Variants in FARS2 observed in about 807,000 individuals in gnomAD.
FARS2 encodes phenylalanyl-tRNA synthetase 2, mitochondrial.
A neutral mutation model predicts 46.4 loss-of-function variants in FARS2; 40 were observed. The observed-to-expected ratio is 0.86, with a 90% confidence interval of 0.67 to 1.12. The LOEUF (loss-of-function observed/expected upper bound fraction) is 1.12, where lower values mean the gene tolerates loss of function less well. Ranked by LOEUF, FARS2 falls within the 50% of genes most tolerant of loss-of-function variation. The probability of loss-of-function intolerance (pLI) is 0.00; values close to 1 mark genes in which losing one functional copy is unlikely to be tolerated. For synonymous variants in FARS2, 234 were observed against 214.9 expected (o/e 1.09, Z -0.78); for missense variants, 513 against 567.9 (o/e 0.90, Z 0.98).
intron 6 of FARS2, among the ~76,000 whole-genome samples, chr6:5,677,782 G>C (rs1180141530): frequency 6.6e-6 from 1 of 152,188 alleles, no homozygotes; most frequent in Non-Finnish European, 1.5e-5. Flanking sequence ...CTACTTGAAG[G>C]GTTCACATGT....
chr6:5,347,486 C>T (rs527768338), intron 1 of FARS2, among the ~76,000 whole-genome samples: 2 of 152,162 alleles, frequency 1.3e-5, no homozygotes, highest in African/African-American at 4.8e-5. Context: ...GATTCATCCA[C>T]GTTGTGTGTA....
rs536276369 is a variant in FARS2, at chr6:5,727,595, C to T, written c.1218-43696C>T. 6.6e-6 allele frequency among the ~76,000 whole-genome samples: 1 copy of T among 152,258 alleles called. No homozygotes were observed. The highest frequency in any genetic ancestry group is 2.1e-4 in the South Asian group (1 of 4,824). Reference sequence around the variant, plus strand: ...CCCTCCCTGCAGCTGTTACTGTATCCCTGTCTTCCTACTGAGGCCATGCTT... The same window carrying T: ...CCCTCCCTGCAGCTGTTACTGTATCTCTGTCTTCCTACTGAGGCCATGCTT... On this transcript the variant is annotated intron_variant, in intron 6 of 6. Coordinates refer to ENST00000274680, the MANE Select transcript of FARS2 (RefSeq NM_006567.5). The surrounding 1 kb of genome is among the most constrained non-coding windows in gnomAD (Gnocchi z 4.1).
intron 1 of FARS2, among the ~76,000 whole-genome samples, chr6:5,268,347 T>G (rs1219213147): frequency 6.6e-6 from 1 of 152,192 alleles, no homozygotes; most frequent in African/African-American, 2.4e-5. Flanking sequence ...GGTCTAACAT[T>G]TAAGTCTTTA....
At chr6:5,750,412 A>G (rs935341784) in intron 6 of FARS2, among the ~76,000 whole-genome samples, 2 of 152,156 alleles carry the variant, frequency 1.3e-5, no homozygotes, top group Non-Finnish European at 2.9e-5. Context: ...CCTTGATCAG[A>G]CAAGATGGCA....
chr6:5,392,284 C>G (rs527830761), intron 2 of FARS2, among the ~76,000 whole-genome samples: 13 of 152,208 alleles, frequency 8.5e-5, no homozygotes, highest in African/African-American at 2.9e-4. Context: ...TAATCTCTGC[C>G]TTTGATTAGT....
intron 5 of FARS2, among the ~76,000 whole-genome samples, chr6:5,603,776 A>T (rs183601145): frequency 6.6e-6 from 1 of 152,314 alleles, no homozygotes; most frequent in African/African-American, 2.4e-5. Context: ...TACCTCCGTA[A>T]AGATCCTGTC....
intron 4 of FARS2, among the ~76,000 whole-genome samples, chr6:5,504,437 T>TAA (rs143444280): frequency 2.4e-5 from 3 of 126,470 alleles, no homozygotes; most frequent in Admixed American, 1.6e-4. Context: ...TGCTTTCCAG[T>TAA]AAAAAAAAAA....
At position 5,585,481 on chromosome 6, in the gene FARS2, C is replaced by A. The variant is rs1386835560; in HGVS notation, c.1066-27688C>A. ...TGACCAACACCTCCCCATTCCCCCA[C>A]CCCCATCCCCTGGCAACCACCTTTC... On this transcript the variant is annotated intron_variant, in intron 5 of 6. Transcript: ENST00000274680. Among the ~76,000 whole-genome samples, 5 of 151,780 alleles carry A rather than the reference C, an allele frequency of 3.3e-5. No individual in the cohort carries two copies. In the South Asian group the frequency reaches 6.2e-4, roughly 19 times the overall value.
At chr6:5,641,577 G>A (rs191369097) in intron 6 of FARS2, among the ~76,000 whole-genome samples, 11 of 152,224 alleles carry the variant, frequency 7.2e-5, no homozygotes, top group East Asian at 5.8e-4. Context: ...GATTACAGGC[G>A]TGAGCCATTG....
At chr6:5,392,294 T>G (rs1760568811) in intron 2 of FARS2, among the ~76,000 whole-genome samples, 1 of 152,204 alleles carries the variant, frequency 6.6e-6, no homozygotes, top group South Asian at 2.1e-4. Context: ...CTTTGATTAG[T>G]CTTGTTCTTC....
At chr6:5,611,798 T>G (rs752179145) in intron 5 of FARS2, among the ~76,000 whole-genome samples, 6 of 152,204 alleles carry the variant, frequency 3.9e-5, no homozygotes, top group Non-Finnish European at 5.9e-5. Context: ...ACGTGTTTCA[T>G]TGGGACACCT....
At chr6:5,406,870 T>C (rs1474842435) in intron 3 of FARS2, among the ~76,000 whole-genome samples, 2 of 151,466 alleles carry the variant, frequency 1.3e-5, no homozygotes, top group African/African-American at 4.9e-5. Flanking sequence ...AAAATGCCAG[T>C]TGCTGTACAT....
chr6:5,647,902 G>A (rs374298320), intron 6 of FARS2, among the ~76,000 whole-genome samples: 6 of 152,268 alleles, frequency 3.9e-5, no homozygotes, highest in East Asian at 1.9e-4. Context: ...CCACATCACC[G>A]TGGTTTGAAT....
chr6:5,564,597 A>C (rs1772217755), intron 5 of FARS2, among the ~76,000 whole-genome samples: 1 of 152,198 alleles, frequency 6.6e-6, no homozygotes, highest in Admixed American at 6.5e-5. Flanking sequence ...TTTGGTAAAA[A>C]CTAGTTATGA....
chr6:5,691,629 A>T (rs1757725041), intron 6 of FARS2, among the ~76,000 whole-genome samples: 1 of 152,194 alleles, frequency 6.6e-6, no homozygotes, highest in Non-Finnish European at 1.5e-5. Flanking sequence ...TAGGCTACTC[A>T]GGGGTCAGGG....
intron 1 of FARS2, among the ~76,000 whole-genome samples, chr6:5,292,573 G>A (rs1181571265): frequency 2.0e-5 from 3 of 152,168 alleles, no homozygotes; most frequent in Non-Finnish European, 2.9e-5. Context: ...TGGGTACTCA[G>A]GTGGTGGTTG....
intron 4 of FARS2, among the ~76,000 whole-genome samples, chr6:5,485,837 T>C (rs1766743518): frequency 6.6e-6 from 1 of 152,214 alleles, no homozygotes; most frequent in Admixed American, 6.5e-5. Flanking sequence ...TCGGTACCAC[T>C]GAGATTTCAG....
intron 6 of FARS2, among the ~76,000 whole-genome samples, chr6:5,679,490 C>T (rs1332546262): frequency 4.6e-5 from 7 of 152,262 alleles, no homozygotes; most frequent in African/African-American, 1.7e-4. Context: ...ATTCTGGCTT[C>T]AAGACCCTCC....
chr6:5,547,450 T>C (rs1771103876), intron 5 of FARS2, among the ~76,000 whole-genome samples: 1 of 152,130 alleles, frequency 6.6e-6, no homozygotes, highest in Non-Finnish European at 1.5e-5. Flanking sequence ...GAAAGTCTTA[T>C]GCTTTCTACC....
Sources: allele counts gnomAD v4.1 joint callset (sites outside exome capture counted in the v4.1 genomes callset), GRCh38; gene constraint gnomAD v4.1.1; non-coding constraint Gnocchi (gnomAD v3.1); transcripts MANE v1.5; gene names NCBI Gene and HGNC (gene_info 2026-07-23, HGNC 2026-07-21).